ERBB4: variants seen among roughly 807,000 people sequenced by gnomAD.
ERBB4 encodes the protein receptor tyrosine-protein kinase erbB-4.
A neutral mutation model predicts 158.0 loss-of-function variants in ERBB4; 42 were observed. The observed-to-expected ratio is 0.27, with a 90% CI of 0.21 to 0.34. ERBB4 has a LOEUF of 0.34. Ranked by LOEUF, ERBB4 falls within the 10% of genes least tolerant of loss-of-function variation. The probability of loss-of-function intolerance (pLI) is 1.00; values close to 1 mark genes in which losing one functional copy is unlikely to be tolerated. For missense variants in ERBB4, 1,333 were observed against 1,624.1 expected (o/e 0.82, Z 3.08); for synonymous variants, 583 against 558.7 (o/e 1.04, Z -0.61).
intron 1 of ERBB4, among the ~76,000 whole-genome samples, chr2:212,175,122 A>G (rs1357141): frequency 0.41 from 61,814 of 151,856 alleles, 16,078 homozygotes; most frequent in African/African-American, 0.75. Flanking sequence ...CATCTCTAAA[A>G]CTTTCTTCTA....
At chr2:212,003,427 A>G (rs1045292232) in intron 2 of ERBB4, among the ~76,000 whole-genome samples, 2 of 151,974 alleles carry the variant, frequency 1.3e-5, no homozygotes, top group Non-Finnish European at 2.9e-5. Context: ...ATAGAACAAC[A>G]TGAACAAAAG....
At chr2:212,460,047 C>G (rs149556260) in intron 1 of ERBB4, among the ~76,000 whole-genome samples, 1 of 152,140 alleles carries the variant, frequency 6.6e-6, no homozygotes, top group African/African-American at 2.4e-5. Context: ...ATAATTCTCA[C>G]AAGATCTGAT....
rs899765708 is a variant in ERBB4, at chr2:211,673,545, C to G, written c.1623-288G>C. On this transcript the variant is annotated intron_variant, in intron 13 of 27. Coordinates refer to ENST00000342788, the MANE Select transcript of ERBB4 (RefSeq NM_005235.3). ...AAAAAAAAAAAGCTACAAAGTATAACTCTTCTGATGACACAGTAAAACCAT... is the reference window on the plus strand; with the variant it reads ...AAAAAAAAAAAGCTACAAAGTATAAGTCTTCTGATGACACAGTAAAACCAT... Among the ~76,000 whole-genome samples the G allele has an allele frequency of 1.3e-4, 6 of 46,008 alleles. No individual in the cohort carries two copies. In the East Asian group the frequency reaches 1.3e-3, roughly 10 times the overall value. 30.2% of individuals were successfully genotyped at this position (46,008 alleles called of 152,430 possible). A position where few individuals can be genotyped will look rare whatever the true frequency, so the allele number is the denominator to read the frequency against.
At chr2:211,969,166 C>A (rs761472304) in intron 2 of ERBB4, among the ~76,000 whole-genome samples, 6 of 151,756 alleles carry the variant, frequency 4.0e-5, no homozygotes, top group African/African-American at 1.2e-4. Flanking sequence ...TAAAAGCATA[C>A]CCCCTTTAGG....
intron 1 of ERBB4, among the ~76,000 whole-genome samples, chr2:212,301,121 C>CTTT (rs75336458): frequency 1.5e-4 from 21 of 144,630 alleles, no homozygotes; most frequent in African/African-American, 4.8e-4. Flanking sequence ...CATTGATATG[C>CTTT]TTTTTTTTTT....
At chr2:211,555,210 A>C (rs2067204796) in intron 20 of ERBB4, among the ~76,000 whole-genome samples, 1 of 151,502 alleles carries the variant, frequency 6.6e-6, no homozygotes, top group Non-Finnish European at 1.5e-5. Flanking sequence ...TTTGAGACGG[A>C]GTTTCGCTCT....
chr2:212,215,143 G>T (rs2083059556), intron 1 of ERBB4, among the ~76,000 whole-genome samples: 1 of 151,494 alleles, frequency 6.6e-6, no homozygotes, highest in South Asian at 2.1e-4. Flanking sequence ...CCTGATTTGG[G>T]AGGTGATTAC....
At chr2:211,552,526 T>A (rs2067126698) in intron 20 of ERBB4, among the ~76,000 whole-genome samples, 1 of 151,944 alleles carries the variant, frequency 6.6e-6, no homozygotes, top group South Asian at 2.1e-4. Context: ...AATCACCCTT[T>A]CAACTAGTTT....
At chr2:211,582,919 TAA>T (rs2068147078) in intron 19 of ERBB4, among the ~76,000 whole-genome samples, 1 of 152,120 alleles carries the variant, frequency 6.6e-6, no homozygotes, top group Non-Finnish European at 1.5e-5. Flanking sequence ...TATCTGTAAT[TAA>T]AGCAGGAATG....
intron 3 of ERBB4, among the ~76,000 whole-genome samples, chr2:211,828,760 C>G (rs1381328891): frequency 6.6e-6 from 1 of 152,050 alleles, no homozygotes; most frequent in East Asian, 1.9e-4. Flanking sequence ...CGGTCTACAT[C>G]TAGAGTCTGG....
intron 19 of ERBB4, among the ~76,000 whole-genome samples, chr2:211,589,590 T>G (rs2068398407): frequency 6.6e-6 from 1 of 152,192 alleles, no homozygotes; most frequent in African/African-American, 2.4e-5. Flanking sequence ...TTCCAACTTT[T>G]AATTTCCAGG....
At chr2:212,108,754 A>G (rs1225249155) in intron 2 of ERBB4, among the ~76,000 whole-genome samples, 1 of 143,046 alleles carries the variant, frequency 7.0e-6, no homozygotes, top group African/African-American at 2.7e-5. Flanking sequence ...ATTGAATAGC[A>G]CAGAGCATCT....
At chr2:211,661,836 G>A (rs2071431638) in intron 15 of ERBB4, among the ~76,000 whole-genome samples, 2 of 150,864 alleles carry the variant, frequency 1.3e-5, no homozygotes, top group Non-Finnish European at 3.0e-5. Flanking sequence ...TCAGGAGATC[G>A]AGACCATCCC....
At chr2:212,140,808 A>T (rs995127203) in intron 1 of ERBB4, among the ~76,000 whole-genome samples, 2 of 151,366 alleles carry the variant, frequency 1.3e-5, no homozygotes, top group Non-Finnish European at 3.0e-5. Flanking sequence ...AAGTTCAAAA[A>T]CAAACCAATT....
chr2:211,581,907 G>A (rs1392766917), intron 19 of ERBB4, among the ~76,000 whole-genome samples: 1 of 152,106 alleles, frequency 6.6e-6, no homozygotes. Flanking sequence ...CTACTCAGGA[G>A]GCTGAGGCAG....
intron 20 of ERBB4, among the ~76,000 whole-genome samples, chr2:211,536,575 G>C (rs1317615405): frequency 6.6e-6 from 1 of 151,948 alleles, no homozygotes; most frequent in Non-Finnish European, 1.5e-5. Context: ...AAATATCAAG[G>C]ACAGCCAGAG....
At chr2:211,682,036 A>G (rs989515874) in intron 12 of ERBB4, among the ~76,000 whole-genome samples, 18 of 137,758 alleles carry the variant, frequency 1.3e-4, no homozygotes, top group Non-Finnish European at 1.8e-4. Flanking sequence ...AACCATTAAG[A>G]CATTTTATAC....
chr2:212,323,431 G>C (rs79686746), intron 1 of ERBB4, among the ~76,000 whole-genome samples: 9 of 150,316 alleles, frequency 6.0e-5, no homozygotes, highest in African/African-American at 2.2e-4. Flanking sequence ...GTAGTGTGGG[G>C]AAGGGTATGA....
At position 211,450,714 on chromosome 2, in the gene ERBB4, G is replaced by A. The variant is rs530582457; in HGVS notation, c.2488-19614C>T. Among the ~76,000 whole-genome samples, 56 of 152,118 alleles carry A rather than the reference G, an allele frequency of 3.7e-4. 1 individual carries two copies. The Middle Eastern group carries it at 0.027, about 74-fold the overall frequency. ...GTTTCAGTTTAAATATTATGTCCTC[G>A]GAGAGGCCTTCTCCAACTGTTTGAA... is the stretch of plus-strand genomic sequence containing the variant. On this transcript the variant is annotated intron_variant, in intron 20 of 27. Transcript: ENST00000342788.
Sources: gnomAD v4.1 joint callset for allele counts (sites outside exome capture counted in the v4.1 genomes callset) on GRCh38, gnomAD v4.1.1 for gene constraint, MANE v1.5 for transcripts, NCBI Gene and HGNC (gene_info 2026-07-23, HGNC 2026-07-21) for gene names.